The following ZC3H7B variants were observed in gnomAD, a reference collection of about 807,000 sequenced individuals.
ZC3H7B encodes the protein zinc finger CCCH-type containing 7B.
Under a neutral mutation model 116.0 loss-of-function variants are expected in ZC3H7B, and 35 were observed. That is an observed-to-expected ratio of 0.30 (90% CI 0.23 to 0.40). The LOEUF is 0.40. ZC3H7B is among the 10% of genes least tolerant of loss of function. The probability of loss-of-function intolerance (pLI) is 1.00; values close to 1 mark genes in which losing one functional copy is unlikely to be tolerated. For synonymous variants in ZC3H7B, 502 were observed against 545.6 expected (o/e 0.92, Z 1.11); for missense variants, 1,011 against 1,321.5 (o/e 0.77, Z 3.64).
intron 12 of ZC3H7B, 120 bp from the exon 13 acceptor site, chr22:41,343,295 C>A: frequency 1.5e-6 from 2 of 1,316,598 alleles, no homozygotes; most frequent in Non-Finnish European, 2.1e-6. Context: ...GGCAGGAGGC[C>A]CTCAGAGGGG....
chr22:41,343,119 G>T (rs755229607), intron 12 of ZC3H7B, among the ~76,000 whole-genome samples: 4 of 152,220 alleles, frequency 2.6e-5, no homozygotes, highest in Non-Finnish European at 5.9e-5. Context: ...GTTGCAGTGA[G>T]TTGGGATCAC....
intron 1 of ZC3H7B, among the ~76,000 whole-genome samples, chr22:41,313,678 C>T (rs546827376): frequency 6.6e-6 from 1 of 152,290 alleles, no homozygotes; most frequent in Admixed American, 6.5e-5. Flanking sequence ...TCTCCATCCT[C>T]GTCAACCAGG....
At chr22:41,307,015 C>G (rs1338483566) in intron 1 of ZC3H7B, among the ~76,000 whole-genome samples, 1 of 150,818 alleles carries the variant, frequency 6.6e-6, no homozygotes, top group Non-Finnish European at 1.5e-5. Context: ...ATTCTGTCAC[C>G]CAGGCTGGAG....
chr22:41,308,455 A>C (rs1427354974), intron 1 of ZC3H7B, among the ~76,000 whole-genome samples: 1 of 151,982 alleles, frequency 6.6e-6, no homozygotes, highest in Non-Finnish European at 1.5e-5. Context: ...TTTTCTGTGA[A>C]ACGGCCGTAC....
Position 41,351,413 on chromosome 22 carries a change from C to T in ZC3H7B, c.1949-148C>T, listed in dbSNP as rs955775735. 1.6e-6 allele frequency: 1 copy of T among 638,576 alleles called. No homozygotes were observed. The highest frequency in any genetic ancestry group is 2.0e-5 in the South Asian group (1 of 49,144). 39.6% of individuals were successfully genotyped at this position (638,576 alleles called of 1,614,324 possible). A position where few individuals can be genotyped will look rare whatever the true frequency, so the allele number is the denominator to read the frequency against. On this transcript the variant is annotated intron_variant, in intron 16 of 22. Coordinates refer to ENST00000352645, the MANE Select transcript of ZC3H7B (RefSeq NM_017590.6). The surrounding 1 kb of genome is among the most constrained non-coding windows in gnomAD (Gnocchi z 5.1). ...CATTTTGCAGATGGACAAAGTGGTT[C>T]CCTTGTACCCCATGTCTTACTGTGG...
At chr22:41,320,233 T>C (rs1173530304) in intron 1 of ZC3H7B, among the ~76,000 whole-genome samples, 2 of 150,002 alleles carry the variant, frequency 1.3e-5, no homozygotes, top group Admixed American at 1.3e-4. Flanking sequence ...CTCGGGAGGC[T>C]GAGGCAAGAG....
rs537205080 is a variant in ZC3H7B, at chr22:41,357,830, G to A, written c.*401G>A. On this transcript the variant is annotated 3_prime_UTR_variant, in exon 23 of 23. Coordinates refer to ENST00000352645, the MANE Select transcript of ZC3H7B (RefSeq NM_017590.6). This position sits in a 1 kb window ranked among gnomAD's most constrained non-coding sequence, Gnocchi z 5.4. Reference sequence around the variant, plus strand: ...AGGAGGGTCCTTCTCTCCCTGGCCCGTCCTCCTCCCACCCCCTCCCCCTGG... The same window carrying A: ...AGGAGGGTCCTTCTCTCCCTGGCCCATCCTCCTCCCACCCCCTCCCCCTGG... 18 of 245,978 alleles carry A rather than the reference G, an allele frequency of 7.3e-5. No individual in the cohort carries two copies. The highest frequency in any genetic ancestry group is 3.7e-4 in the East Asian group (4 of 10,724). The allele number at this position is 245,978 out of a possible 1,614,324, so 15.2% of individuals were successfully genotyped here.
chr22:41,349,279 C>A lies in ZC3H7B; in HGVS notation c.1926C>A (p.Val642=). ...CCCACAGCTTCATCGAGCTCAAGGT[C>A]TGGCTGCTGCAGCAGTACTCAGGTG... ...HFAHSFIELK[V]WLLQQYSGMT... is the part of the protein sequence containing the mutation. Residue 642 remains valine, a synonymous_variant, in exon 16 of 23, where the codon GTC becomes GTA. Coordinates refer to ENST00000352645, the MANE Select transcript of ZC3H7B (RefSeq NM_017590.6). This position sits in a 1 kb window ranked among gnomAD's most constrained non-coding sequence, Gnocchi z 4.9. The A allele has an allele frequency of 6.2e-7, 1 of 1,613,682 alleles. No homozygotes were observed. Among genetic ancestry groups the A allele is most frequent in the South Asian group, 1.1e-5 (1 of 91,078 alleles).
Position 41,346,074 on chromosome 22 carries a change from G to T in ZC3H7B, c.1531G>T (p.Val511Leu), listed in dbSNP as rs750052358. Reference protein sequence around the residue: ...TFAYHQEEIDVWTEERKGTLN... With the variant: ...TFAYHQEEIDLWTEERKGTLN... Reference sequence around the variant, plus strand: ...CGCCTACCATCAGGAGGAGATCGACGTGTGGACCGAGGAGCGGAAGGGCAC... The same window carrying T: ...CGCCTACCATCAGGAGGAGATCGACTTGTGGACCGAGGAGCGGAAGGGCAC... The change falls in exon 14 of 23, where the codon GTG becomes TTG. Residue 511 changes from valine (V) to leucine (L), a missense_variant. Physicochemically the swap from Val to Leu is conservative, Grantham distance 32 (BLOSUM62 1). Coordinates refer to ENST00000352645, the MANE Select transcript of ZC3H7B (RefSeq NM_017590.6). The surrounding 1 kb of genome is among the most constrained non-coding windows in gnomAD (Gnocchi z 5.3). 2 of 1,614,034 alleles carry T rather than the reference G, an allele frequency of 1.2e-6. No individual in the cohort carries two copies. The highest frequency in any genetic ancestry group is 8.5e-7 in the Non-Finnish European group (1 of 1,180,022).
rs1181145871 is a variant in ZC3H7B, at chr22:41,325,766, G to A, written c.133G>A (p.Asp45Asn). Reference protein sequence around the residue: ...LVQNLFAEGNDLFREKDYKQA... With the variant: ...LVQNLFAEGNNLFREKDYKQA... ...GCAGAATCTGTTTGCTGAGGGCAAT[G>A]ATCTGTTCCGGGAGAAGGACTATAA... is the stretch of plus-strand genomic sequence containing the variant. Residue 45 changes from aspartate (D) to asparagine (N), a missense_variant, in exon 4 of 23, where the codon GAT (aspartate) becomes AAT (asparagine). By Grantham distance (23) the Asp-to-Asn change is conservative (BLOSUM62 1). This residue lies in a region of ZC3H7B where 322 missense variants were observed against 443.9 expected (regional missense o/e 0.73). Coordinates refer to ENST00000352645, the MANE Select transcript of ZC3H7B (RefSeq NM_017590.6). The A allele has an allele frequency of 1.2e-6, 2 of 1,613,894 alleles. No homozygotes were observed. The highest frequency in any genetic ancestry group is 4.5e-5 in the East Asian group (2 of 44,894).
intron 2 of ZC3H7B, among the ~76,000 whole-genome samples, chr22:41,321,366 C>T (rs1601770916): frequency 6.6e-6 from 1 of 151,876 alleles, no homozygotes; most frequent in East Asian, 1.9e-4. Flanking sequence ...CAGGTGTGTG[C>T]CACCATGCCT....
chr22:41,313,703 T>C (rs900067507), intron 1 of ZC3H7B, among the ~76,000 whole-genome samples: 1 of 152,144 alleles, frequency 6.6e-6, no homozygotes, highest in Admixed American at 6.6e-5. Flanking sequence ...CTTTTCACCT[T>C]AGTCTCATGG....
chr22:41,356,302 G>GA, intron 20 of ZC3H7B, 41 bp from the exon 21 acceptor site: 1 of 1,611,430 alleles, frequency 6.2e-7, no homozygotes. Flanking sequence ...AATGGATGGA[G>GA]AAGCCCCTCA....
chr22:41,304,107 A>G (rs112691425), intron 1 of ZC3H7B, among the ~76,000 whole-genome samples: 3,290 of 151,710 alleles, frequency 0.022, 95 homozygotes, highest in African/African-American at 0.075. Flanking sequence ...AGGCTGGAGT[A>G]CAGTAGCACA....
chr22:41,336,421 T>G (rs973008697), intron 7 of ZC3H7B: 1 of 151,892 alleles, frequency 6.6e-6, no homozygotes, highest in East Asian at 1.9e-4. Flanking sequence ...CCCAGCACTC[T>G]GGGAGGCCGA....
chr22:41,350,356 C>T (rs2036640719), intron 16 of ZC3H7B, among the ~76,000 whole-genome samples: 1 of 152,104 alleles, frequency 6.6e-6, no homozygotes, highest in South Asian at 2.1e-4. Context: ...TTTACAGTGT[C>T]TGGAGGAGGG....
chr22:41,301,899 CT>C (rs1450900566), intron 1 of ZC3H7B, 127 bp downstream of exon 1: 1 of 151,804 alleles, frequency 6.6e-6, no homozygotes, highest in Non-Finnish European at 1.5e-5. Flanking sequence ...GAAGAGAGCC[CT>C]TTCCAGGCCG....
At chr22:41,342,380 G>A (rs2036533326) in intron 11 of ZC3H7B, 149 bp from the exon 12 acceptor site, 1 of 647,076 alleles carries the variant, frequency 1.5e-6, no homozygotes, top group South Asian at 1.9e-5. Flanking sequence ...CTGGGAGGGT[G>A]GAGGAAGAGG....
chr22:41,357,502 T>A lies in ZC3H7B; in HGVS notation c.*73T>A. 9.6e-6 allele frequency: 8 copies of A among 831,564 alleles called. No homozygotes were observed. Among genetic ancestry groups the A allele is most frequent in the East Asian group, 3.5e-5 (1 of 28,252 alleles). 51.5% of individuals were successfully genotyped at this position (831,564 alleles called of 1,614,324 possible). On this transcript the variant is annotated 3_prime_UTR_variant, in exon 23 of 23. Transcript: ENST00000352645. This position sits in a 1 kb window ranked among gnomAD's most constrained non-coding sequence, Gnocchi z 5.4. ...GGGGCCAGAAGGCCTGATAGAAGGG[T>A]CAGGGCAGGCCAGGGGGGTGGGGGG...
Sources: allele counts gnomAD v4.1 joint callset (sites outside exome capture counted in the v4.1 genomes callset), GRCh38; gene constraint gnomAD v4.1.1; regional missense constraint gnomAD v4.1.1; non-coding constraint Gnocchi (gnomAD v3.1); transcripts MANE v1.5; gene names NCBI Gene and HGNC (gene_info 2026-07-23, HGNC 2026-07-21).